The following SMC1A variants were observed in gnomAD, a reference collection of about 807,000 sequenced individuals.
The protein encoded by SMC1A is structural maintenance of chromosomes 1A.
Under a neutral mutation model 94.5 loss-of-function variants are expected in SMC1A, and 4 were observed. That is an observed-to-expected ratio of 0.04 (90% CI 0.02 to 0.10). The LOEUF (loss-of-function observed/expected upper bound fraction) is 0.10, where lower values mean the gene tolerates loss of function less well. Ranked by LOEUF, SMC1A falls within the 10% of genes least tolerant of loss-of-function variation. The pLI, the probability that SMC1A is intolerant of heterozygous loss-of-function variation, is 1.00. For missense variants in SMC1A, 304 were observed against 989.0 expected, an observed-to-expected ratio of 0.31 and a Z score of 9.29; for synonymous variants, 345 against 347.7, an observed-to-expected ratio of 0.99 and a Z score of 0.09.
chrX:53,380,794 G>T, intron 23 of SMC1A, 64 bp from the exon 24 acceptor site: 1 of 842,159 alleles, frequency 1.2e-6, no homozygotes, highest in Non-Finnish European at 1.8e-6. Flanking sequence ...GTATTTTCCA[G>T]CCACAACCAG....
At chrX:53,408,579 T>G (rs1297965491) in intron 9 of SMC1A, among the ~76,000 whole-genome samples, 2 of 110,919 alleles carry the variant, frequency 1.8e-5, no homozygotes, top group Non-Finnish European at 3.8e-5. Context: ...GGCCAAAAGA[T>G]CAAGAGATCT....
chrX:53,415,231 T>C lies in SMC1A; in HGVS notation c.110-62A>G, dbSNP rs1298524787. 4.0e-6 allele frequency: 4 copies of C among 988,122 alleles called. No individual in the cohort carries two copies. In the East Asian group the frequency reaches 1.2e-4, roughly 30 times the overall value. The allele number at this position is 988,122 out of a possible 1,213,427, so 81.4% of individuals were successfully genotyped here. ...AGGATGAAGAGGAGAGGAAAAGGAA[T>C]AAAGATATTGAGATGAACAAAAATG... On this transcript the variant is annotated intron_variant, in intron 1 of 24. Coordinates refer to ENST00000322213, the MANE Select transcript of SMC1A (RefSeq NM_006306.4).
At chrX:53,415,956 A>T (rs924920719) in intron 1 of SMC1A, among the ~76,000 whole-genome samples, 1 of 111,710 alleles carries the variant, frequency 9.0e-6, no homozygotes, top group South Asian at 3.7e-4. Context: ...GACATGGACA[A>T]AAGCCCACAA....
In SMC1A at chrX:53,405,953, C is replaced by T. The variant is rs2075689510; in HGVS notation, c.1549G>A (p.Gly517Ser). ...IKRLYPGSVY[G>S]RLIDLCQPTQ... ...GGCTGGCATAGGTCAATGAGGCGGC[C>T]GTACTGAGTAAAGTAGGAAGGGAAA... Residue 517 changes from glycine to serine, a missense_variant, in exon 10 of 25, where the codon GGC becomes AGC. Transcript: ENST00000322213. 1.7e-6 allele frequency: 2 copies of T among 1,210,499 alleles called. No homozygotes were observed. The highest frequency in any genetic ancestry group is 2.2e-6 in the Non-Finnish European group (2 of 894,572).
At chrX:53,417,341 G>C (rs1207223248) in intron 1 of SMC1A, among the ~76,000 whole-genome samples, 2 of 108,208 alleles carry the variant, frequency 1.8e-5, no homozygotes, top group Non-Finnish European at 1.9e-5. Context: ...ACCTGAGGTT[G>C]GGGAGTTCCA....
rs1450248187 is a variant in SMC1A at position 53,413,307 on chromosome X, C to A, written c.540G>T (p.Glu180Asp). ...KRKKEMVKAEEDTQFNYHRKK... is the reference protein window; with the variant it reads ...KRKKEMVKAEDDTQFNYHRKK... ...TGCGATGGTAATTAAACTGTGTGTC[C>A]TCTTCAGCCTTCACCATTTCCTTCT... is the stretch of plus-strand genomic sequence containing the variant. Residue 180 changes from glutamate to aspartate, a missense_variant, in exon 4 of 25, where the codon GAG becomes GAT. Glu to Asp is a conservative substitution (Grantham distance 45). Transcript: ENST00000322213. The A allele has an allele frequency of 8.3e-7, 1 of 1,209,900 alleles. No homozygotes were observed.
At chrX:53,412,309 C>T (rs2075715874) in intron 5 of SMC1A, 56 bp from the exon 6 acceptor site, 1 of 1,150,447 alleles carries the variant, frequency 8.7e-7, no homozygotes, top group African/African-American at 1.8e-5. Context: ...GGGAGGGTTC[C>T]CAGGCTTTTC....
intron 1 of SMC1A, chrX:53,421,889 AACT>A: frequency 8.3e-7 from 1 of 1,200,353 alleles, no homozygotes; most frequent in Non-Finnish European, 1.1e-6. Context: ...AGTTCGAGGC[AACT>A]ACCTCTGACA....
chrX:53,403,489 C>A (rs1461899765), intron 15 of SMC1A, 77 bp downstream of exon 15: 1 of 784,229 alleles, frequency 1.3e-6, no homozygotes, highest in Admixed American at 2.6e-5. Context: ...TTGCCTATGA[C>A]AGCATCTGGT....
chrX:53,385,793 A>T (rs2075602533), intron 19 of SMC1A, among the ~76,000 whole-genome samples: 1 of 111,935 alleles, frequency 8.9e-6, no homozygotes, highest in African/African-American at 3.2e-5. Flanking sequence ...CTTGTTTTAT[A>T]CTTTTGATTT....
Position 53,405,959 on chromosome X carries a change from G to A in SMC1A, c.1546-3C>T. The stretch of plus-strand genomic sequence containing the variant: ...CATAGGTCAATGAGGCGGCCGTACT[G>A]AGTAAAGTAGGAAGGGAAAACTGAA... On this transcript the variant is annotated splice_polypyrimidine_tract_variant and splice_region_variant and intron_variant, in intron 9 of 24. Transcript: ENST00000322213. The A allele has an allele frequency of 8.3e-7, 1 of 1,209,420 alleles. No individual in the cohort carries two copies. The highest frequency in any genetic ancestry group is 3.0e-5 in the East Asian group (1 of 33,859).
intron 19 of SMC1A, among the ~76,000 whole-genome samples, chrX:53,389,842 CTTTTTTTTTT>C (rs1193457348): frequency 3.6e-5 from 2 of 55,092 alleles, no homozygotes; most frequent in Non-Finnish European, 6.5e-5. Context: ...TCCAGAATTT[CTTTTTTTTTT>C]TTTTTTTTTT....
At position 53,422,627 on chromosome X, in the gene SMC1A, G is replaced by A. The variant is rs1456649552; in HGVS notation, c.-27C>T. 1 of 1,007,747 alleles carries A rather than the reference G, an allele frequency of 9.9e-7. No individual in the cohort carries two copies. The highest frequency in any genetic ancestry group is 1.8e-5 in the African/African-American group (1 of 54,163). The allele number at this position is 1,007,747 out of a possible 1,213,427, so 83.0% of individuals were successfully genotyped here. A position where few individuals can be genotyped will look rare whatever the true frequency, so the allele number is the denominator to read the frequency against. The stretch of plus-strand genomic sequence containing the variant: ...ACGGCCGCGGCGCCGGCGGCAGTAG[G>A]ACAGGCCGCGCCGTACGCCCGAGAA... On this transcript the variant is annotated 5_prime_UTR_variant, in exon 1 of 25. Coordinates refer to ENST00000322213, the MANE Select transcript of SMC1A (RefSeq NM_006306.4).
intron 9 of SMC1A, 67 bp from the exon 10 acceptor site, chrX:53,406,023 C>T: frequency 9.9e-7 from 1 of 1,009,500 alleles, no homozygotes; most frequent in East Asian, 3.0e-5. Context: ...AATCCTAATT[C>T]CCAGTATGGA....
Position 53,376,799 on chromosome X carries a change from G to A in SMC1A, c.*3304C>T, listed in dbSNP as rs2075561386. On this transcript the variant is annotated 3_prime_UTR_variant, in exon 25 of 25. Coordinates refer to ENST00000322213, the MANE Select transcript of SMC1A (RefSeq NM_006306.4). ...GTGTTGATCACACTGTATGGTTAAT[G>A]GCTGTTTTACAAATGGTTTCCCCAA... The A allele has an allele frequency of 1.8e-5, 2 of 111,052 alleles. 1 individual carries two copies. The highest frequency in any genetic ancestry group is 1.9e-4 in the Admixed American group (2 of 10,418). The allele number at this position is 111,052 out of a possible 1,213,427, so 9.2% of individuals were successfully genotyped here. A position where few individuals can be genotyped will look rare whatever the true frequency, so the allele number is the denominator to read the frequency against.
intron 9 of SMC1A, among the ~76,000 whole-genome samples, chrX:53,408,320 G>C (rs968326693): frequency 9.0e-6 from 1 of 111,402 alleles, no homozygotes; most frequent in East Asian, 2.8e-4. Context: ...GACAGAGCGA[G>C]ACTCCATCTC....
intron 24 of SMC1A, 130 bp downstream of exon 24, chrX:53,380,490 C>G: frequency 1.9e-6 from 1 of 520,875 alleles, no homozygotes; most frequent in Non-Finnish European, 3.3e-6. Flanking sequence ...CTCCAACAAG[C>G]CCAAATGGCC....
chrX:53,400,677 G>T (rs1264330385), intron 15 of SMC1A, among the ~76,000 whole-genome samples: 4 of 110,952 alleles, frequency 3.6e-5, no homozygotes, highest in African/African-American at 1.3e-4. Flanking sequence ...TCCTGCTATT[G>T]TCCTCCTCTC....
intron 20 of SMC1A, 99 bp from the exon 21 acceptor site, chrX:53,382,759 C>T: frequency 9.8e-7 from 1 of 1,020,125 alleles, no homozygotes; most frequent in Non-Finnish European, 1.4e-6. Context: ...GAGAGGAATG[C>T]CTGAGGAGGG....
Sources: allele counts gnomAD v4.1 joint callset (sites outside exome capture counted in the v4.1 genomes callset), GRCh38; gene constraint gnomAD v4.1.1; transcripts MANE v1.5; gene names NCBI Gene and HGNC (gene_info 2026-07-23, HGNC 2026-07-21).